PDIA5: variants seen among roughly 807,000 people sequenced by gnomAD.
PDIA5 encodes the protein protein disulfide isomerase family A member 5.
PDIA5 carries 58 observed loss-of-function variants against 77.6 expected under a neutral mutation model. That is an observed-to-expected ratio of 0.75 (90% CI 0.61 to 0.93). The LOEUF is 0.93. Ranked by LOEUF, PDIA5 falls within the 40% of genes least tolerant of loss-of-function variation. PDIA5 has a pLI of 0.00. For synonymous variants in PDIA5, 250 were observed against 252.1 expected, an observed-to-expected ratio of 0.99 and a Z score of 0.08; for missense variants, 630 against 647.7, an observed-to-expected ratio of 0.97 and a Z score of 0.30.
In PDIA5 at chr3:123,089,395, G is replaced by C. The variant is rs2107919754; in HGVS notation, c.169+101G>C. The C allele has an allele frequency of 6.0e-6, 7 of 1,175,934 alleles. No individual in the cohort carries two copies. The South Asian group carries it at 9.6e-5, about 16-fold the overall frequency. 72.8% of individuals were successfully genotyped at this position (1,175,934 alleles called of 1,614,324 possible). A position where few individuals can be genotyped will look rare whatever the true frequency, so the allele number is the denominator to read the frequency against. On this transcript the variant is annotated intron_variant, in intron 2 of 16. Transcript: ENST00000316218. ...GACGTTAGGATGAAAACCACTTAGG[G>C]AGGGTCCAAGGGACATGGGGTTTGT...
At chr3:123,080,971 C>T (rs1054637775) in intron 1 of PDIA5, among the ~76,000 whole-genome samples, 2 of 152,136 alleles carry the variant, frequency 1.3e-5, no homozygotes, top group African/African-American at 4.8e-5. Flanking sequence ...TGTCCAAATT[C>T]CAGCTGGCAG....
rs1935180019 is a variant in PDIA5, at chr3:123,124,009, A to G, written c.610-57A>G. 3.7e-6 allele frequency: 4 copies of G among 1,067,178 alleles called. No individual in the cohort carries two copies. In the Admixed American group the frequency reaches 6.7e-5, roughly 18 times the overall value. The allele number at this position is 1,067,178 out of a possible 1,614,324, so 66.1% of individuals were successfully genotyped here. A position where few individuals can be genotyped will look rare whatever the true frequency, so the allele number is the denominator to read the frequency against. ...CAGCAGCTGGACAGATGGCGTGTGG[A>G]CTAGAGGGTGTCTGTGGGGCACAGG... On this transcript the variant is annotated intron_variant, in intron 8 of 16. Transcript: ENST00000316218.
chr3:123,130,761 G>T (rs1412031653), intron 11 of PDIA5, 145 bp downstream of exon 11: 10 of 853,456 alleles, frequency 1.2e-5, no homozygotes, highest in Non-Finnish European at 1.9e-5. Flanking sequence ...GTGGTGACAG[G>T]CGAGGTCCCC....
chr3:123,096,831 T>C (rs1934455153), intron 3 of PDIA5, among the ~76,000 whole-genome samples: 1 of 152,206 alleles, frequency 6.6e-6, no homozygotes, highest in African/African-American at 2.4e-5. Flanking sequence ...GGTATTCCCC[T>C]CGTGCCCTGC....
intron 1 of PDIA5, among the ~76,000 whole-genome samples, chr3:123,083,792 G>A (rs1325366158): frequency 6.6e-6 from 1 of 152,230 alleles, no homozygotes; most frequent in Non-Finnish European, 1.5e-5. Flanking sequence ...TCTTGGCAAG[G>A]TGCTCCGAGG....
At chr3:123,152,503 G>C (rs893705534) in intron 14 of PDIA5, among the ~76,000 whole-genome samples, 3 of 152,086 alleles carry the variant, frequency 2.0e-5, no homozygotes, top group African/African-American at 7.2e-5. Context: ...TACATCTTTT[G>C]ACTTTTTAAT....
At chr3:123,098,771 G>A (rs1004472939) in intron 3 of PDIA5, among the ~76,000 whole-genome samples, 1 of 152,136 alleles carries the variant, frequency 6.6e-6, no homozygotes, top group South Asian at 2.1e-4. Flanking sequence ...AGTCAGGTGA[G>A]GGTCTTTGCA....
At chr3:123,097,532 G>T (rs976471369) in intron 3 of PDIA5, among the ~76,000 whole-genome samples, 1 of 152,088 alleles carries the variant, frequency 6.6e-6, no homozygotes, top group Non-Finnish European at 1.5e-5. Flanking sequence ...AGAGTGCTAC[G>T]TGACCACCAC....
chr3:123,162,020 TG>T lies in PDIA5; in HGVS notation c.*61del, dbSNP rs1404779787. ...TGAATGATACCTGTTTTGTTGTTTC[TG>T]AATTTCCACATGTTCTGAAGACAAA... On this transcript the variant is annotated 3_prime_UTR_variant, in exon 17 of 17. Coordinates refer to ENST00000316218, the MANE Select transcript of PDIA5 (RefSeq NM_006810.4). The T allele has an allele frequency of 9.8e-7, 1 of 1,021,962 alleles. No homozygotes were observed. Among genetic ancestry groups the T allele is most frequent in the Non-Finnish European group, 1.5e-6 (1 of 662,644 alleles). The allele number at this position is 1,021,962 out of a possible 1,614,324, so 63.3% of individuals were successfully genotyped here.
intron 7 of PDIA5, among the ~76,000 whole-genome samples, chr3:123,114,315 G>A (rs550382050): frequency 5.3e-5 from 8 of 152,274 alleles, no homozygotes; most frequent in African/African-American, 7.2e-5. Flanking sequence ...GGAGTGCAGC[G>A]ACATCCTCTT....
At chr3:123,161,087 C>A (rs1936149369) in intron 15 of PDIA5, among the ~76,000 whole-genome samples, 1 of 152,202 alleles carries the variant, frequency 6.6e-6, no homozygotes, top group Non-Finnish European at 1.5e-5. Context: ...AAAGGACAGT[C>A]TAAAGGCACT....
chr3:123,117,328 CT>C (rs1396838164), intron 8 of PDIA5, among the ~76,000 whole-genome samples: 3 of 141,818 alleles, frequency 2.1e-5, no homozygotes, highest in Admixed American at 7.3e-5. Flanking sequence ...TCCCACCCCA[CT>C]CCTGACCTTG....
intron 1 of PDIA5, 124 bp downstream of exon 1, chr3:123,067,330 C>T: frequency 2.4e-6 from 2 of 840,606 alleles, no homozygotes; most frequent in Admixed American, 4.3e-5. Context: ...GGGATGAGGG[C>T]GTGCATGCCA....
intron 15 of PDIA5, among the ~76,000 whole-genome samples, chr3:123,159,730 C>A (rs574241713): frequency 6.6e-6 from 1 of 152,098 alleles, no homozygotes; most frequent in Non-Finnish European, 1.5e-5. Flanking sequence ...AAAGTCTCAC[C>A]GTATAGAATG....
intron 15 of PDIA5, among the ~76,000 whole-genome samples, chr3:123,160,354 C>T (rs1326740210): frequency 6.6e-6 from 1 of 152,226 alleles, no homozygotes; most frequent in Non-Finnish European, 1.5e-5. Context: ...GGAAAAGCTA[C>T]CCAGCATGTG....
intron 4 of PDIA5, 69 bp from the exon 5 acceptor site, chr3:123,102,682 C>A: frequency 7.6e-7 from 1 of 1,311,256 alleles, no homozygotes; most frequent in Non-Finnish European, 1.1e-6. Context: ...TAAGATGCTG[C>A]AGGAAACCAA....
intron 13 of PDIA5, among the ~76,000 whole-genome samples, chr3:123,148,547 C>A (rs559293273): frequency 1.1e-3 from 158 of 148,504 alleles, no homozygotes; most frequent in African/African-American, 3.6e-3. Flanking sequence ...CCAGCCTCAG[C>A]AACAGAGTGA....
chr3:123,140,923 G>A (rs1228907785), intron 11 of PDIA5, among the ~76,000 whole-genome samples: 7 of 152,186 alleles, frequency 4.6e-5, no homozygotes, highest in Admixed American at 3.3e-4. Context: ...GTTGGTCACA[G>A]CTCCTCTTCC....
intron 7 of PDIA5, among the ~76,000 whole-genome samples, chr3:123,115,247 C>G (rs950599575): frequency 1.3e-5 from 2 of 152,218 alleles, no homozygotes; most frequent in African/African-American, 4.8e-5. Flanking sequence ...ACTTCAGAAT[C>G]CCTGCTGTCT....
Sources: gnomAD v4.1 joint callset for allele counts (sites outside exome capture counted in the v4.1 genomes callset) on GRCh38, gnomAD v4.1.1 for gene constraint, MANE v1.5 for transcripts, NCBI Gene and HGNC (gene_info 2026-07-23, HGNC 2026-07-21) for gene names.